CLEC16A: variants seen among roughly 807,000 people sequenced by gnomAD.
CLEC16A encodes the protein protein CLEC16A.
Under a neutral mutation model 109.5 loss-of-function variants are expected in CLEC16A, and 51 were observed. The observed-to-expected ratio is 0.47, with a 90% confidence interval of 0.37 to 0.59. The LOEUF (loss-of-function observed/expected upper bound fraction) is 0.59. Among genes scored for constraint, CLEC16A ranks in the 20% least tolerant of loss-of-function variants. The probability of loss-of-function intolerance (pLI) is 0.00; values close to 1 mark genes in which losing one functional copy is unlikely to be tolerated. For synonymous variants in CLEC16A, 673 were observed against 564.2 expected (o/e 1.19, Z -2.73); for missense variants, 1,339 against 1,394.0 (o/e 0.96, Z 0.63).
In CLEC16A at chr16:11,166,498, G is replaced by A. The variant is rs745971246; in HGVS notation, c.2752G>A (p.Asp918Asn). 8.7e-6 allele frequency: 14 copies of A among 1,609,268 alleles called. No individual in the cohort carries two copies. Among genetic ancestry groups the A allele is most frequent in the South Asian group, 6.6e-5 (6 of 90,894 alleles). Reference protein sequence around the residue: ...PSGSGSTSHCDSGGTSSSSTP... With the variant: ...PSGSGSTSHCNSGGTSSSSTP... ...CGGCAGCGGGAGCACCAGCCACTGC[G>A]ACTCTGGAGGCACCAGCTCGTCCTC... Residue 918 changes from aspartate to asparagine, a missense_variant, in exon 23 of 24, where the codon GAC (aspartate) becomes AAC (asparagine). Physicochemically the swap from Asp to Asn is conservative, Grantham distance 23. This residue lies in a region of CLEC16A where 1,061 missense variants were observed against 1,006.8 expected (regional missense o/e 1.05). Transcript: ENST00000409790.
At chr16:10,957,380 C>T (rs557042094) in intron 1 of CLEC16A, among the ~76,000 whole-genome samples, 21 of 152,370 alleles carry the variant, frequency 1.4e-4, no homozygotes, top group African/African-American at 4.8e-4. Flanking sequence ...TCCCCACTTG[C>T]TCTGAAGGCA....
intron 19 of CLEC16A, among the ~76,000 whole-genome samples, chr16:11,077,933 C>T (rs2049475122): frequency 6.7e-6 from 1 of 149,694 alleles, no homozygotes; most frequent in African/African-American, 2.5e-5. Context: ...GCCTGGCCAA[C>T]ATGGTGAAAC....
chr16:11,074,127 G>A (rs766803941), intron 19 of CLEC16A, among the ~76,000 whole-genome samples: 6 of 151,672 alleles, frequency 4.0e-5, no homozygotes, highest in African/African-American at 1.5e-4. Flanking sequence ...CCTCTCTAAG[G>A]GCTAAAATGC....
intron 2 of CLEC16A, among the ~76,000 whole-genome samples, chr16:10,960,304 T>C (rs1259674805): frequency 6.6e-6 from 1 of 152,226 alleles, no homozygotes; most frequent in Admixed American, 6.5e-5. Context: ...CCCCAGCCTC[T>C]GATCTGTGAC....
chr16:11,060,329 A>G (rs926087837), intron 18 of CLEC16A, among the ~76,000 whole-genome samples: 8 of 143,236 alleles, frequency 5.6e-5, no homozygotes, highest in African/African-American at 2.3e-4. Context: ...GAAGAGACTC[A>G]CCCAGGGTAG....
At chr16:11,035,642 G>A (rs2046976476) in intron 13 of CLEC16A, among the ~76,000 whole-genome samples, 1 of 152,192 alleles carries the variant, frequency 6.6e-6, no homozygotes, top group Non-Finnish European at 1.5e-5. Context: ...CCACTTCATG[G>A]AATGTCATGA....
intron 22 of CLEC16A, among the ~76,000 whole-genome samples, chr16:11,151,566 G>A (rs983396721): frequency 6.6e-6 from 1 of 152,240 alleles, no homozygotes; most frequent in Non-Finnish European, 1.5e-5. Context: ...AGTAGAAACC[G>A]TAGCTCAAAA....
chr16:11,132,395 CCTT>C (rs1276059686), intron 22 of CLEC16A, among the ~76,000 whole-genome samples: 1 of 152,082 alleles, frequency 6.6e-6, no homozygotes. Flanking sequence ...GTGCATCTAT[CCTT>C]CTTTTAGCTG....
intron 10 of CLEC16A, among the ~76,000 whole-genome samples, chr16:10,998,252 C>T (rs1233562108): frequency 6.6e-6 from 1 of 152,234 alleles, no homozygotes; most frequent in South Asian, 2.1e-4. Flanking sequence ...GGCCCCGGGG[C>T]ACCTCTAAAA....
At chr16:11,076,451 G>A (rs890108605) in intron 19 of CLEC16A, among the ~76,000 whole-genome samples, 3 of 152,148 alleles carry the variant, frequency 2.0e-5, no homozygotes, top group African/African-American at 7.2e-5. Context: ...TGAGTTTCAA[G>A]ACATCCCTCG....
At chr16:11,050,802 C>T (rs761704093) in intron 17 of CLEC16A, among the ~76,000 whole-genome samples, 5 of 152,238 alleles carry the variant, frequency 3.3e-5, no homozygotes, top group Non-Finnish European at 5.9e-5. Context: ...CAGCACGTGC[C>T]TGGCACTTAG....
chr16:11,109,449 C>G (rs1567330363), intron 19 of CLEC16A, among the ~76,000 whole-genome samples: 1 of 152,162 alleles, frequency 6.6e-6, no homozygotes, highest in African/African-American at 2.4e-5. Flanking sequence ...CCACCTCACT[C>G]AGCCCTGATA....
At chr16:11,083,786 G>T (rs1474733455) in intron 19 of CLEC16A, among the ~76,000 whole-genome samples, 1 of 152,204 alleles carries the variant, frequency 6.6e-6, no homozygotes, top group African/African-American at 2.4e-5. Context: ...TGCCTGTGGC[G>T]CTCCCCTGTC....
chr16:11,047,497 C>A, intron 17 of CLEC16A, 155 bp downstream of exon 17: 1 of 440,558 alleles, frequency 2.3e-6, no homozygotes, highest in Non-Finnish European at 4.0e-6. Context: ...GTCTTGTGAT[C>A]CCCACCACTG....
chr16:11,177,030 A>C (rs2068775451), intron 23 of CLEC16A, among the ~76,000 whole-genome samples: 1 of 152,246 alleles, frequency 6.6e-6, no homozygotes. Context: ...GAACAAAAAA[A>C]AATTCTACCA....
intron 22 of CLEC16A, chr16:11,136,025 TC>T (rs1489892298): frequency 2.6e-5 from 4 of 152,314 alleles, no homozygotes; most frequent in African/African-American, 9.6e-5. Flanking sequence ...ATCCTTTTTT[TC>T]ATTGTTTTTC....
At chr16:11,019,439 AGG>A (rs111736222) in intron 11 of CLEC16A, among the ~76,000 whole-genome samples, 7,505 of 152,262 alleles carry the variant, frequency 0.049, 655 homozygotes, top group African/African-American at 0.17. Context: ...GGAAAACAAA[AGG>A]CTTCAGTCAC....
At chr16:11,149,067 G>A (rs2054187570) in intron 22 of CLEC16A, among the ~76,000 whole-genome samples, 1 of 152,232 alleles carries the variant, frequency 6.6e-6, no homozygotes, top group Non-Finnish European at 1.5e-5. Context: ...ATAAAGGACA[G>A]GGAGAAAGAG....
At chr16:11,023,855 G>T (rs962845427) in intron 12 of CLEC16A, among the ~76,000 whole-genome samples, 1 of 152,196 alleles carries the variant, frequency 6.6e-6, no homozygotes, top group African/African-American at 2.4e-5. Flanking sequence ...TTCAGAGGGG[G>T]CAGCCACAGA....
Sources: allele counts gnomAD v4.1 joint callset (sites outside exome capture counted in the v4.1 genomes callset), GRCh38; gene constraint gnomAD v4.1.1; regional missense constraint gnomAD v4.1.1; transcripts MANE v1.5; gene names NCBI Gene and HGNC (gene_info 2026-07-23, HGNC 2026-07-21).